The following WWP1 variants were observed in gnomAD, a reference collection of about 807,000 sequenced individuals.
The protein encoded by WWP1 is NEDD4-like E3 ubiquitin-protein ligase WWP1.
Under a neutral mutation model 130.6 loss-of-function variants are expected in WWP1, and 49 were observed. The observed-to-expected ratio is 0.38, with a 90% confidence interval of 0.30 to 0.48. WWP1 has a LOEUF of 0.48. Among genes scored for constraint, WWP1 ranks in the 20% least tolerant of loss-of-function variants. The probability of loss-of-function intolerance (pLI) is 0.99; values close to 1 mark genes in which losing one functional copy is unlikely to be tolerated. For missense variants in WWP1, 809 were observed against 1,100.6 expected (o/e 0.74, Z 3.75); for synonymous variants, 332 against 367.8 (o/e 0.90, Z 1.11).
chr8:86,441,223 C>T (rs944784419), intron 17 of WWP1, among the ~76,000 whole-genome samples: 1 of 152,214 alleles, frequency 6.6e-6, no homozygotes, highest in African/African-American at 2.4e-5. Flanking sequence ...AACACACTCT[C>T]ACAAGACCTG....
intron 24 of WWP1, among the ~76,000 whole-genome samples, chr8:86,464,256 G>T (rs1247496982): frequency 6.6e-6 from 1 of 151,674 alleles, no homozygotes; most frequent in Non-Finnish European, 1.5e-5. Context: ...ATCTGTGTGG[G>T]GCTATAGATT....
At chr8:86,378,761 CA>C (rs1824814928) in intron 3 of WWP1, among the ~76,000 whole-genome samples, 1 of 151,896 alleles carries the variant, frequency 6.6e-6, no homozygotes, top group African/African-American at 2.4e-5. Context: ...AGTATTTTGC[CA>C]AGTAAGGGTA....
rs547266967 is a variant in WWP1, at chr8:86,390,095, C to T, written c.335-8247C>T. Among the ~76,000 whole-genome samples, 11 of 150,790 alleles carry T rather than the reference C, an allele frequency of 7.3e-5. No homozygotes were observed. In the South Asian group the frequency reaches 1.5e-3, roughly 20 times the overall value. ...GCAGAGGCACTCCTCACATCCCAGACGGAGCGGCGGGGCAGAGGCGCTCCC... is the reference window on the plus strand; with the variant it reads ...GCAGAGGCACTCCTCACATCCCAGATGGAGCGGCGGGGCAGAGGCGCTCCC... On this transcript the variant is annotated intron_variant, in intron 5 of 24. Transcript: ENST00000517970.
chr8:86,442,837 C>CT, intron 18 of WWP1, 59 bp downstream of exon 18: 11 of 1,332,554 alleles, frequency 8.3e-6, no homozygotes, highest in Non-Finnish European at 1.1e-5. Context: ...TTAGAGAAGG[C>CT]TTTTAAAAAA....
At position 86,342,874 on chromosome 8, in the gene WWP1, G is replaced by A; in HGVS notation, c.-171G>A. The A allele has an allele frequency of 2.7e-6, 1 of 364,548 alleles. No individual in the cohort carries two copies. The allele number at this position is 364,548 out of a possible 1,614,324, so 22.6% of individuals were successfully genotyped here. A position where few individuals can be genotyped will look rare whatever the true frequency, so the allele number is the denominator to read the frequency against. On this transcript the variant is annotated 5_prime_UTR_variant, in exon 1 of 25. Transcript: ENST00000517970. The stretch of plus-strand genomic sequence containing the variant: ...GGAAGGGTGAGGGCGCCCGCCGCAG[G>A]AGGAGGTGCCGCTGCCGTGGCCGCC...
chr8:86,427,861 G>A, intron 11 of WWP1, 44 bp downstream of exon 11: 3 of 1,545,902 alleles, frequency 1.9e-6, no homozygotes, highest in Non-Finnish European at 2.6e-6. Context: ...TCCTCCCTCA[G>A]GTGTTTCTTT....
At chr8:86,391,955 G>A (rs555543563) in intron 5 of WWP1, among the ~76,000 whole-genome samples, 1 of 152,314 alleles carries the variant, frequency 6.6e-6, no homozygotes, top group African/African-American at 2.4e-5. Flanking sequence ...GCCGTTTTTA[G>A]TAAATGCTCT....
intron 10 of WWP1, among the ~76,000 whole-genome samples, chr8:86,426,863 A>C (rs1355210749): frequency 6.6e-6 from 1 of 152,312 alleles, no homozygotes; most frequent in East Asian, 1.9e-4. Context: ...ATGCTTATCA[A>C]AGAAAGAAGG....
intron 1 of WWP1, among the ~76,000 whole-genome samples, chr8:86,360,517 T>C (rs1823530098): frequency 6.6e-6 from 1 of 152,178 alleles, no homozygotes; most frequent in African/African-American, 2.4e-5. Context: ...AGTAGGCCTT[T>C]CCTGAGTGGG....
intron 1 of WWP1, among the ~76,000 whole-genome samples, chr8:86,349,561 A>G (rs1349037012): frequency 6.6e-6 from 1 of 152,288 alleles, no homozygotes; most frequent in East Asian, 1.9e-4. Flanking sequence ...GCAGCTTACT[A>G]CTTTCCGCAA....
chr8:86,375,017 A>G (rs1824547305), intron 3 of WWP1, among the ~76,000 whole-genome samples: 1 of 152,092 alleles, frequency 6.6e-6, no homozygotes, highest in Non-Finnish European at 1.5e-5. Context: ...CCTCTTAATC[A>G]AAAAATCTCC....
chr8:86,425,192 TCTTA>T (rs1290718943), intron 9 of WWP1, 27 bp from the exon 10 acceptor site: 8 of 1,573,190 alleles, frequency 5.1e-6, no homozygotes, highest in African/African-American at 1.4e-5. Flanking sequence ...GTGTGTTGTC[TCTTA>T]CTGTTATTTT....
At position 86,425,247 on chromosome 8, in the gene WWP1, T is replaced by G; in HGVS notation, c.1086T>G (p.His362Gln). 6.2e-7 allele frequency: 1 copy of G among 1,612,622 alleles called. No homozygotes were observed. Among genetic ancestry groups the G allele is most frequent in the Non-Finnish European group, 8.5e-7 (1 of 1,179,490 alleles). ...GGTGGGAACAAAGAAAAGATCCTCA[T>G]GGTAGAACCTATTATGTGGATCATA... ...PSGWEQRKDP[H>Q]GRTYYVDHNT... Residue 362 changes from histidine to glutamine, a missense_variant, in exon 10 of 25, where the codon CAT becomes CAG. His to Gln is a conservative substitution (Grantham distance 24, BLOSUM62 0). This residue lies in a region of WWP1 where 97 missense variants were observed against 80.4 expected (regional missense o/e 1.21). Coordinates refer to ENST00000517970, the MANE Select transcript of WWP1 (RefSeq NM_007013.4).
chr8:86,390,953 T>C (rs1807300928), intron 5 of WWP1, among the ~76,000 whole-genome samples: 1 of 152,226 alleles, frequency 6.6e-6, no homozygotes, highest in Non-Finnish European at 1.5e-5. Flanking sequence ...TTTTCTGATA[T>C]ATTTGGGGTA....
intron 1 of WWP1, among the ~76,000 whole-genome samples, chr8:86,363,420 C>T (rs542458576): frequency 6.6e-6 from 1 of 152,178 alleles, no homozygotes. Flanking sequence ...TTGGTCTGGT[C>T]TTTTGGGGCC....
chr8:86,376,653 C>G (rs1188310913), intron 3 of WWP1, among the ~76,000 whole-genome samples: 1 of 152,098 alleles, frequency 6.6e-6, no homozygotes, highest in East Asian at 1.9e-4. Flanking sequence ...GAAAGACTAT[C>G]AGGTGACTCA....
At chr8:86,411,189 T>G (rs1017280370) in intron 8 of WWP1, among the ~76,000 whole-genome samples, 1 of 152,192 alleles carries the variant, frequency 6.6e-6, no homozygotes. Context: ...AAAGGGATCA[T>G]TTTTCAGAGT....
chr8:86,370,208 T>C (rs1297437963), intron 2 of WWP1, among the ~76,000 whole-genome samples: 70 of 152,238 alleles, frequency 4.6e-4, no homozygotes, highest in Non-Finnish European at 1.0e-4. Context: ...TATTTTATTA[T>C]AGAAGAAAAT....
intron 18 of WWP1, among the ~76,000 whole-genome samples, chr8:86,447,367 A>G (rs1484127475): frequency 1.3e-5 from 2 of 152,162 alleles, no homozygotes; most frequent in South Asian, 2.1e-4. Flanking sequence ...CCCAGGTTCA[A>G]GCAATTCTCC....
Sources: allele counts gnomAD v4.1 joint callset (sites outside exome capture counted in the v4.1 genomes callset), GRCh38; gene constraint gnomAD v4.1.1; regional missense constraint gnomAD v4.1.1; transcripts MANE v1.5; gene names NCBI Gene and HGNC (gene_info 2026-07-23, HGNC 2026-07-21).